The following CLN3 variants were observed in gnomAD, a reference collection of about 807,000 sequenced individuals.
CLN3 encodes the protein battenin.
CLN3 carries 49 observed loss-of-function variants against 60.7 expected under a neutral mutation model. The observed-to-expected ratio is 0.81, with a 90% CI of 0.64 to 1.02. The LOEUF (loss-of-function observed/expected upper bound fraction) is 1.02. Ranked by LOEUF, CLN3 falls within the 50% of genes least tolerant of loss-of-function variation. The pLI is 0.00. For synonymous variants in CLN3, 256 were observed against 245.8 expected, an observed-to-expected ratio of 1.04 and a Z score of -0.39; for missense variants, 516 against 557.4, an observed-to-expected ratio of 0.93 and a Z score of 0.75.
chr16:28,476,213 T>C (rs1393749089), downstream of CLN3: 1 of 151,980 alleles, frequency 6.6e-6, no homozygotes, highest in Non-Finnish European at 1.5e-5. Flanking sequence ...TAAAAATATG[T>C]AACAATTTAT....
intron 8 of CLN3, 36 bp from the exon 9 acceptor site, chr16:28,486,526 T>C: frequency 6.2e-7 from 1 of 1,609,030 alleles, no homozygotes. Context: ...CAGGAGGACC[T>C]AGGCTGACCA....
chr16:28,485,693 A>AG (rs2046200951), intron 9 of CLN3, among the ~76,000 whole-genome samples: 1 of 149,890 alleles, frequency 6.7e-6, no homozygotes, highest in Admixed American at 6.6e-5. Flanking sequence ...TTAAAAAAAA[A>AG]AAAAAAAAAA....
At chr16:28,475,296 G>A (rs541078689), downstream of CLN3, 2 of 152,218 alleles carry the variant, frequency 1.3e-5, no homozygotes, top group South Asian at 2.1e-4. Context: ...ACACACTAAG[G>A]TTTGAGAAAC....
At chr16:28,479,248 TA>T (rs1463114268) in intron 14 of CLN3, among the ~76,000 whole-genome samples, 1 of 152,216 alleles carries the variant, frequency 6.6e-6, no homozygotes, top group African/African-American at 2.4e-5. Flanking sequence ...CTAGAGGTCC[TA>T]ATTCATTAAA....
chr16:28,487,916 G>A (rs1188479438), intron 5 of CLN3, 175 bp from the exon 6 acceptor site: 1 of 635,356 alleles, frequency 1.6e-6, no homozygotes, highest in Non-Finnish European at 2.9e-6. Flanking sequence ...TGTGTCAAGA[G>A]TTTATACTCT....
At chr16:28,475,949 A>C (rs1189988372), downstream of CLN3, 1 of 150,308 alleles carries the variant, frequency 6.7e-6, no homozygotes, top group Non-Finnish European at 1.5e-5. Context: ...GCAGTGGTGC[A>C]ATTTCAGCTC....
At chr16:28,482,453 C>T (rs774142377) in intron 12 of CLN3, 24 bp downstream of exon 12, 3 of 1,613,988 alleles carry the variant, frequency 1.9e-6, no homozygotes, top group South Asian at 2.2e-5. Context: ...CACCTCCACA[C>T]CCCTCCTAGC....
chr16:28,491,395 C>T, intron 3 of CLN3, 87 bp downstream of exon 3: 1 of 1,531,368 alleles, frequency 6.5e-7, no homozygotes, highest in East Asian at 2.4e-5. Flanking sequence ...AGCTCCTTTG[C>T]GCAGCTTAAC....
At chr16:28,481,460 A>ACACACACACG (rs1555468033) in intron 14 of CLN3, among the ~76,000 whole-genome samples, 53 of 148,764 alleles carry the variant, frequency 3.6e-4, no homozygotes, top group Non-Finnish European at 6.4e-4. Flanking sequence ...ACACGCACAC[A>ACACACACACG]CACACACACA....
downstream of CLN3, among the ~76,000 whole-genome samples, chr16:28,472,937 C>G (rs1338972090): frequency 6.7e-6 from 1 of 150,226 alleles, no homozygotes; most frequent in African/African-American, 2.5e-5. Flanking sequence ...GCACCCCGCC[C>G]CTCTTTGTTT....
chr16:28,485,334 A>T (rs2046189270), intron 9 of CLN3, among the ~76,000 whole-genome samples: 1 of 144,970 alleles, frequency 6.9e-6, no homozygotes, highest in Non-Finnish European at 1.5e-5. Context: ...TGGGAGGCCA[A>T]GGCAGGTGGA....
downstream of CLN3, among the ~76,000 whole-genome samples, chr16:28,473,023 G>A (rs1449379108): frequency 6.6e-6 from 1 of 151,902 alleles, no homozygotes; most frequent in Non-Finnish European, 1.5e-5. Context: ...CTGCAGCCTC[G>A]AATTCCTAGG....
downstream of CLN3, among the ~76,000 whole-genome samples, chr16:28,474,551 T>G (rs2045976343): frequency 6.6e-6 from 1 of 151,896 alleles, no homozygotes; most frequent in East Asian, 1.9e-4. Flanking sequence ...AAAGAGCAAG[T>G]ATTGGTGGGG....
In CLN3 at chr16:28,491,119, AG is replaced by A. The variant is rs376780207; in HGVS notation, c.125+362del. ...ATAAAATAAATTAAAAAAATAAAAA[AG>A]TTTTAGTAGTGATGCATTTATTTAA... On this transcript the variant is annotated intron_variant, in intron 3 of 15. Transcript: ENST00000636147. 1.2e-3 allele frequency: 231 copies of A among 192,708 alleles called. 1 individual carries two copies. In the South Asian group the frequency reaches 0.016, roughly 14 times the overall value. The allele number at this position is 192,708 out of a possible 1,614,324, so 11.9% of individuals were successfully genotyped here.
chr16:28,470,586 A>G (rs1223816122), downstream of CLN3: 31 of 42,324 alleles, frequency 7.3e-4, no homozygotes, highest in South Asian at 2.6e-3. Flanking sequence ...GGGGAGGGGA[A>G]GGGGAGGGGG....
At position 28,488,571 on chromosome 16, in the gene CLN3, C is replaced by G. The variant is rs769927953; in HGVS notation, c.294+20G>C. On this transcript the variant is annotated intron_variant, in intron 5 of 15. Transcript: ENST00000636147. ...CAGGGGCCCTGGGTCAGGCAAGGAC[C>G]AGGTGAGATGAGTACGCACAGCCGT... 2 of 1,612,726 alleles carry G rather than the reference C, an allele frequency of 1.2e-6. No individual in the cohort carries two copies.
rs767753225 is a variant in CLN3 at position 28,481,417 on chromosome 16, A to AACACAC, written c.1056+682_1056+687dup. Among the ~76,000 whole-genome samples, 336 of 129,516 alleles carry AACACAC rather than the reference A, an allele frequency of 2.6e-3. 4 individuals carry two copies. The East Asian group carries it at 0.036, about 14-fold the overall frequency. The allele number at this position is 129,516 out of a possible 152,430, so 85.0% of individuals were successfully genotyped here. A position where few individuals can be genotyped will look rare whatever the true frequency, so the allele number is the denominator to read the frequency against. On this transcript the variant is annotated intron_variant, in intron 14 of 15. Transcript: ENST00000636147. ...GGCCCGGCCCAATCCCAATGCTTAAAACACACACACACACACACACACACA... is the reference window on the plus strand; with the variant it reads ...GGCCCGGCCCAATCCCAATGCTTAAAACACACACACACACACACACACACACACACA...
downstream of CLN3, among the ~76,000 whole-genome samples, chr16:28,469,139 A>G (rs1317329158): frequency 8.8e-6 from 1 of 113,260 alleles, no homozygotes; most frequent in African/African-American, 2.6e-5. Flanking sequence ...CAACAATGGT[A>G]ATGATTTCAG....
rs200023908 is a variant in CLN3, at chr16:28,482,214, G to T, written c.963-16C>A. 87 of 1,609,478 alleles carry T rather than the reference G, an allele frequency of 5.4e-5. No individual in the cohort carries two copies. The Admixed American group carries it at 5.4e-4, about 10-fold the overall frequency. On this transcript the variant is annotated splice_polypyrimidine_tract_variant and intron_variant, in intron 13 of 15. Transcript: ENST00000636147. ...CATCTGGTACCTGAGGTTAGGGTTG[G>T]GGGGAGGAGAGGAGGCTCCTCCAGG...
Sources: gnomAD v4.1 joint callset for allele counts (sites outside exome capture counted in the v4.1 genomes callset) on GRCh38, gnomAD v4.1.1 for gene constraint, MANE v1.5 for transcripts, NCBI Gene and HGNC (gene_info 2026-07-23, HGNC 2026-07-21) for gene names.